Variants in CELF2 observed in about 807,000 individuals in gnomAD.
CELF2 encodes CUGBP Elav-like family member 2.
Under a neutral mutation model 62.6 loss-of-function variants are expected in CELF2, and 8 were observed. That is an observed-to-expected ratio of 0.13 (90% CI 0.07 to 0.23). The LOEUF is 0.23. CELF2 is among the 10% of genes least tolerant of loss of function. The pLI, the probability that CELF2 is intolerant of heterozygous loss-of-function variation, is 1.00. For missense variants in CELF2, 333 were observed against 671.0 expected, an observed-to-expected ratio of 0.50 and a Z score of 5.56; for synonymous variants, 258 against 250.0, an observed-to-expected ratio of 1.03 and a Z score of -0.30.
intron 1 of CELF2, among the ~76,000 whole-genome samples, chr10:10,912,351 A>G (rs188724163): frequency 2.0e-3 from 303 of 152,086 alleles, no homozygotes; most frequent in Non-Finnish European, 3.1e-3. Context: ...GTTTTTGTCT[A>G]TCTCCCACTT....
At chr10:10,584,526 G>A in the CELF2 span, among the ~76,000 whole-genome samples, 1 of 152,210 alleles carries the variant, frequency 6.6e-6, no homozygotes, top group Non-Finnish European at 1.5e-5. Context: ...TGCCTATTAA[G>A]CTGGTTACAG....
At chr10:11,175,194 C>T (rs1414139691) in intron 2 of CELF2, among the ~76,000 whole-genome samples, 6 of 151,952 alleles carry the variant, frequency 3.9e-5, no homozygotes, top group East Asian at 1.9e-4. Context: ...TATTGGGAAA[C>T]GTTTTTGAAG....
At chr10:11,265,584 A>G (rs1414504087) in intron 5 of CELF2, among the ~76,000 whole-genome samples, 1 of 152,244 alleles carries the variant, frequency 6.6e-6, no homozygotes, top group African/African-American at 2.4e-5. Flanking sequence ...CTTTTTCTCT[A>G]AGAAGCCCAA....
chr10:10,938,935 T>C lies in CELF2; in HGVS notation c.89+18936T>C, dbSNP rs1242595534. Among the ~76,000 whole-genome samples, 1 of 152,198 alleles carries C rather than the reference T, an allele frequency of 6.6e-6. No individual in the cohort carries two copies. On this transcript the variant is annotated intron_variant, in intron 2 of 13. Transcript: ENST00000636488. The surrounding 1 kb of genome is among the most constrained non-coding windows in gnomAD (Gnocchi z 4.2). ...GTGTGCATCTGTCTTTCTCCATGCCTAGGCCAAGCGCTCCTGCAGCAGCAA... is the reference window on the plus strand; with the variant it reads ...GTGTGCATCTGTCTTTCTCCATGCCCAGGCCAAGCGCTCCTGCAGCAGCAA...
chr10:11,125,531 C>T (rs1182592224), intron 1 of CELF2, among the ~76,000 whole-genome samples: 1 of 152,066 alleles, frequency 6.6e-6, no homozygotes, highest in Admixed American at 6.6e-5. Flanking sequence ...AAATACTTCT[C>T]TCTTGAGGGG....
At chr10:10,724,499 C>T in the CELF2 span, among the ~76,000 whole-genome samples, 3 of 151,492 alleles carry the variant, frequency 2.0e-5, no homozygotes, top group African/African-American at 7.3e-5. Flanking sequence ...ATTAAAAATA[C>T]AAAAAAATTA....
chr10:10,687,638 T>C, the CELF2 span, among the ~76,000 whole-genome samples: 1 of 152,240 alleles, frequency 6.6e-6, no homozygotes, highest in Non-Finnish European at 1.5e-5. Flanking sequence ...TAGAACTTCA[T>C]ATTTGTCACC....
intron 1 of CELF2, among the ~76,000 whole-genome samples, chr10:11,155,320 G>C (rs183381973): frequency 6.6e-6 from 1 of 152,150 alleles, no homozygotes; most frequent in Non-Finnish European, 1.5e-5. Context: ...CCCCTGCTGC[G>C]AGTGGGCTTT....
At chr10:10,607,833 G>C in the CELF2 span, among the ~76,000 whole-genome samples, 2 of 152,296 alleles carry the variant, frequency 1.3e-5, no homozygotes, top group East Asian at 3.9e-4. Flanking sequence ...GCTCAGGCCT[G>C]TAATCCCAGC....
intron 1 of CELF2, among the ~76,000 whole-genome samples, chr10:11,073,135 A>G (rs2070694682): frequency 6.6e-6 from 1 of 152,208 alleles, no homozygotes; most frequent in South Asian, 2.1e-4. Context: ...ATAATACTTG[A>G]ATTATGAAAC....
intron 2 of CELF2, among the ~76,000 whole-genome samples, chr10:11,202,038 G>A (rs1257840535): frequency 1.3e-5 from 2 of 152,146 alleles, no homozygotes; most frequent in Admixed American, 6.5e-5. Flanking sequence ...GATCATGACT[G>A]TACCATGTAA....
rs2050653197 is a variant in CELF2 at position 11,098,834 on chromosome 10, A to G, written c.75-66652A>G. 6.6e-6 allele frequency among the ~76,000 whole-genome samples: 1 copy of G among 152,160 alleles called. No individual in the cohort carries two copies. Among genetic ancestry groups the G allele is most frequent in the African/African-American group, 2.4e-5 (1 of 41,424 alleles). ...CTTCTTGGCTCTGCACCGGGTGATA[A>G]TTCTACCTGGGCAGCAGGCCACGCG... On this transcript the variant is annotated intron_variant, in intron 1 of 12. Coordinates refer to ENST00000633077, the MANE Select transcript of CELF2 (RefSeq NM_001326342.2). The surrounding 1 kb of genome is among the most constrained non-coding windows in gnomAD (Gnocchi z 4.0).
At chr10:10,889,560 G>A (rs372338063) in intron 1 of CELF2, among the ~76,000 whole-genome samples, 102 of 152,292 alleles carry the variant, frequency 6.7e-4, no homozygotes, top group African/African-American at 2.3e-3. Flanking sequence ...CAAGATTCAG[G>A]TGCTATGTCT....
intron 4 of CELF2, among the ~76,000 whole-genome samples, chr10:11,252,193 T>C (rs1338778144): frequency 2.6e-5 from 4 of 152,352 alleles, no homozygotes; most frequent in Middle Eastern, 3.4e-3. Context: ...AAGCGAGTGA[T>C]AAAAGCCACA....
At chr10:10,925,456 G>C (rs766742535) in intron 2 of CELF2, among the ~76,000 whole-genome samples, 10 of 151,950 alleles carry the variant, frequency 6.6e-5, no homozygotes, top group Non-Finnish European at 1.3e-4. Flanking sequence ...GCTGTACCTT[G>C]GTTGTGGGAG....
At chr10:11,249,122 T>C (rs757140603) in intron 3 of CELF2, 31 bp from the exon 4 acceptor site, 4 of 1,587,212 alleles carry the variant, frequency 2.5e-6, no homozygotes, top group Non-Finnish European at 2.6e-6. Flanking sequence ...TTGTTCAATC[T>C]GCCTTTACTT....
At chr10:10,787,365 C>G in the CELF2 span, among the ~76,000 whole-genome samples, 4 of 152,090 alleles carry the variant, frequency 2.6e-5, no homozygotes, top group African/African-American at 9.7e-5. Context: ...CAACAATTTT[C>G]ATTTTTGCTT....
chr10:10,610,047 G>A, the CELF2 span, among the ~76,000 whole-genome samples: 4 of 152,132 alleles, frequency 2.6e-5, no homozygotes, highest in East Asian at 3.8e-4. Flanking sequence ...AATTGATCTG[G>A]AACCTATTTA....
intron 1 of CELF2, among the ~76,000 whole-genome samples, chr10:11,031,944 T>C (rs1016583653): frequency 4.6e-5 from 7 of 152,110 alleles, no homozygotes; most frequent in Non-Finnish European, 1.0e-4. Context: ...ATTTGCTCCA[T>C]TGTTGACTCA....
Sources: allele counts gnomAD v4.1 joint callset (sites outside exome capture counted in the v4.1 genomes callset), GRCh38; gene constraint gnomAD v4.1.1; non-coding constraint Gnocchi (gnomAD v3.1); transcripts MANE v1.5; gene names NCBI Gene and HGNC (gene_info 2026-07-23, HGNC 2026-07-21).